The following NFIA variants were observed in gnomAD, a reference collection of about 807,000 sequenced individuals.
NFIA encodes nuclear factor 1 A-type.
NFIA carries 8 observed loss-of-function variants against 62.8 expected under a neutral mutation model. The ratio of observed to expected loss-of-function variants is 0.13; its 90% CI spans 0.07 to 0.23. The LOEUF is 0.23. Among genes scored for constraint, NFIA ranks in the 10% least tolerant of loss-of-function variants. The probability of loss-of-function intolerance (pLI) is 1.00; values close to 1 mark genes in which losing one functional copy is unlikely to be tolerated. For missense variants in NFIA, 410 were observed against 642.1 expected (o/e 0.64, Z 3.91); for synonymous variants, 235 against 238.1 (o/e 0.99, Z 0.12).
chr1:61,420,259 T>C (rs939936843), intron 9 of NFIA, among the ~76,000 whole-genome samples: 7 of 152,200 alleles, frequency 4.6e-5, no homozygotes, highest in Admixed American at 4.6e-4. Context: ...TTGTAAGAAA[T>C]AGTGCTGTTC....
chr1:61,345,613 T>C (rs1662187373), intron 4 of NFIA, among the ~76,000 whole-genome samples: 1 of 152,094 alleles, frequency 6.6e-6, no homozygotes. Context: ...CTCCCTGAAC[T>C]CTGCCTCCTG....
chr1:61,313,603 G>A (rs1660223026), intron 3 of NFIA, among the ~76,000 whole-genome samples: 1 of 152,038 alleles, frequency 6.6e-6, no homozygotes, highest in African/African-American at 2.4e-5. Flanking sequence ...AGATTTAGAG[G>A]GAGCAACATC....
Position 61,285,842 on chromosome 1 carries a change from C to T in NFIA, c.625+8257C>T, listed in dbSNP as rs146669438. On this transcript the variant is annotated intron_variant, in intron 3 of 10. Transcript: ENST00000403491. ...AATGTAAGGATATTGTGGCAAGGCT[C>T]GGCAAAATAGGAATAGCTTTTCAAC... Among the ~76,000 whole-genome samples, 43 of 152,192 alleles carry T rather than the reference C, an allele frequency of 2.8e-4. No individual in the cohort carries two copies. In the East Asian group the frequency reaches 6.8e-3, roughly 24 times the overall value.
chr1:61,194,452 C>T (rs538357086), intron 2 of NFIA, among the ~76,000 whole-genome samples: 3 of 152,258 alleles, frequency 2.0e-5, no homozygotes, highest in East Asian at 3.9e-4. Context: ...TTTTGTTCAT[C>T]TTTTTGCAGT....
In NFIA at chr1:61,458,155, T is replaced by A. The variant is rs1390067761; in HGVS notation, c.*2835T>A. 6.7e-6 allele frequency: 1 copy of A among 149,918 alleles called. No individual in the cohort carries two copies. The highest frequency in any genetic ancestry group is 1.5e-5 in the Non-Finnish European group (1 of 67,760). The allele number at this position is 149,918 out of a possible 1,614,324, so 9.3% of individuals were successfully genotyped here. On this transcript the variant is annotated 3_prime_UTR_variant, in exon 11 of 11. Coordinates refer to ENST00000403491, the MANE Select transcript of NFIA (RefSeq NM_001134673.4). ...TTTGCCTTCCCCTATAGCACTTAGC[T>A]GGGCATTACTTTATTATGACATATG...
At chr1:61,437,881 A>G (rs921571494) in intron 10 of NFIA, among the ~76,000 whole-genome samples, 4 of 152,122 alleles carry the variant, frequency 2.6e-5, no homozygotes, top group South Asian at 2.1e-4. Flanking sequence ...TTTACAGTAG[A>G]CGGCAGAAAC....
At chr1:61,090,985 T>G (rs1040499216) in intron 2 of NFIA, among the ~76,000 whole-genome samples, 1 of 152,220 alleles carries the variant, frequency 6.6e-6, no homozygotes, top group East Asian at 1.9e-4. Flanking sequence ...CAAGCATCTG[T>G]TATAATACTG....
At chr1:61,441,292 G>GGTGTGTGTGTGTGTGTGT (rs763246425) in intron 10 of NFIA, among the ~76,000 whole-genome samples, 210 of 139,440 alleles carry the variant, frequency 1.5e-3, no homozygotes, top group African/African-American at 5.2e-3. Flanking sequence ...GCCGTGCAGG[G>GGTGTGTGTGTGTGTGTGT]GTGTGTGTGT....
chr1:61,117,136 A>G (rs1646805551), intron 2 of NFIA, among the ~76,000 whole-genome samples: 1 of 152,240 alleles, frequency 6.6e-6, no homozygotes. Flanking sequence ...CCTCTCCAGC[A>G]TGATTGCACC....
In NFIA at chr1:61,082,891, C is replaced by T; in HGVS notation, c.27+73C>T. On this transcript the variant is annotated intron_variant, in intron 1 of 10. Transcript: ENST00000403491. Reference sequence around the variant, plus strand: ...GGCAGGGCTGGGGCTGGGTGGGGGGCACCGGGGCCGTCGCTCCGGCCGGGC... The same window carrying T: ...GGCAGGGCTGGGGCTGGGTGGGGGGTACCGGGGCCGTCGCTCCGGCCGGGC... 13 of 1,379,404 alleles carry T rather than the reference C, an allele frequency of 9.4e-6. No homozygotes were observed. In the South Asian group the frequency reaches 1.4e-4, roughly 15 times the overall value. 85.4% of individuals were successfully genotyped at this position (1,379,404 alleles called of 1,614,324 possible).
At chr1:61,216,703 T>TA (rs1190644474) in intron 2 of NFIA, among the ~76,000 whole-genome samples, 1 of 152,188 alleles carries the variant, frequency 6.6e-6, no homozygotes, top group Non-Finnish European at 1.5e-5. Flanking sequence ...ATGTATGCTC[T>TA]AAAAAGGGGA....
At chr1:61,129,807 G>T (rs991216496) in intron 2 of NFIA, among the ~76,000 whole-genome samples, 13 of 152,070 alleles carry the variant, frequency 8.5e-5, no homozygotes, top group Non-Finnish European at 1.8e-4. Flanking sequence ...CACATTAGGG[G>T]CATTCTCCAA....
chr1:61,087,976 C>T (rs1268945509), intron 1 of NFIA, among the ~76,000 whole-genome samples, 173 bp from the exon 2 acceptor site: 2 of 152,068 alleles, frequency 1.3e-5, no homozygotes, highest in South Asian at 2.1e-4. Context: ...ATAGTTTTCT[C>T]TCCCACCTTC....
At chr1:61,353,764 C>G (rs1452219857) in intron 5 of NFIA, among the ~76,000 whole-genome samples, 1 of 152,132 alleles carries the variant, frequency 6.6e-6, no homozygotes, top group Admixed American at 6.6e-5. Context: ...CTATCAAATC[C>G]TACCATCATC....
intron 2 of NFIA, among the ~76,000 whole-genome samples, chr1:61,215,888 C>T (rs1653584766): frequency 6.6e-6 from 1 of 152,222 alleles, no homozygotes; most frequent in South Asian, 2.1e-4. Context: ...AAATGAACAG[C>T]ACATGAAAGT....
At chr1:61,237,105 G>A (rs1655057508) in intron 2 of NFIA, among the ~76,000 whole-genome samples, 1 of 152,086 alleles carries the variant, frequency 6.6e-6, no homozygotes, top group Admixed American at 6.5e-5. Context: ...TAGGAGATGT[G>A]CCTCACCTCT....
At chr1:61,446,773 C>T (rs994172063) in intron 10 of NFIA, among the ~76,000 whole-genome samples, 8 of 152,198 alleles carry the variant, frequency 5.3e-5, no homozygotes, top group African/African-American at 1.2e-4. Context: ...TCTTACTGGA[C>T]TTTATCTTCC....
chr1:61,404,005 T>C, intron 7 of NFIA, 99 bp from the exon 8 acceptor site: 1 of 1,374,862 alleles, frequency 7.3e-7, no homozygotes, highest in Non-Finnish European at 1.0e-6. Flanking sequence ...ATATTGTGAA[T>C]CGGGCCAGGA....
At chr1:61,197,501 T>C (rs1652113202) in intron 2 of NFIA, among the ~76,000 whole-genome samples, 1 of 151,526 alleles carries the variant, frequency 6.6e-6, no homozygotes, top group African/African-American at 2.4e-5. Context: ...CCTCCCAAAG[T>C]GCTGGGATTA....
Sources: gnomAD v4.1 joint callset for allele counts (sites outside exome capture counted in the v4.1 genomes callset) on GRCh38, gnomAD v4.1.1 for gene constraint, MANE v1.5 for transcripts, NCBI Gene and HGNC (gene_info 2026-07-23, HGNC 2026-07-21) for gene names.